Variants in ADGRD1 observed in about 807,000 individuals in gnomAD.
ADGRD1 encodes the protein adhesion G protein-coupled receptor D1.
A neutral mutation model predicts 113.4 loss-of-function variants in ADGRD1; 77 were observed. That is an observed-to-expected ratio of 0.68 (90% confidence interval 0.57 to 0.82). The LOEUF is 0.82. ADGRD1 is among the 40% of genes least tolerant of loss of function. The pLI is 0.00. For synonymous variants in ADGRD1, 474 were observed against 475.0 expected, an observed-to-expected ratio of 1.00 and a Z score of 0.03; for missense variants, 1,036 against 1,139.1, an observed-to-expected ratio of 0.91 and a Z score of 1.30.
chr12:131,092,760 C>G (rs897150157), intron 15 of ADGRD1, among the ~76,000 whole-genome samples: 2 of 152,200 alleles, frequency 1.3e-5, no homozygotes, highest in South Asian at 4.1e-4. Context: ...GGTCATGAAC[C>G]GTGGTCTGAA....
At chr12:130,982,150 C>T in intron 5 of ADGRD1, 87 bp downstream of exon 5, 1 of 1,205,924 alleles carries the variant, frequency 8.3e-7, no homozygotes, top group Non-Finnish European at 1.2e-6. Flanking sequence ...CAACGCAGCC[C>T]AAGGAGCCCA....
intron 13 of ADGRD1, among the ~76,000 whole-genome samples, chr12:131,053,709 C>T (rs918503601): frequency 2.0e-5 from 3 of 152,168 alleles, no homozygotes; most frequent in Admixed American, 6.5e-5. Context: ...CTGCGACAAC[C>T]CCACCACTGA....
Position 131,041,913 on chromosome 12 carries a change from C to T in ADGRD1, c.1473+27573C>T, listed in dbSNP as rs1215398200. On this transcript the variant is annotated intron_variant, in intron 13 of 24. Coordinates refer to ENST00000261654, the MANE Select transcript of ADGRD1 (RefSeq NM_198827.5). This position sits in a 1 kb window ranked among gnomAD's most constrained non-coding sequence, Gnocchi z 4.4. ...ACATGACCTAGGGTTCCTTTGCAGT[C>T]GGGTTTGTTATCCGAGTCCCCCTGC... Among the ~76,000 whole-genome samples, 21 of 152,140 alleles carry T rather than the reference C, an allele frequency of 1.4e-4. No individual in the cohort carries two copies. Among genetic ancestry groups the T allele is most frequent in the Admixed American group, 1.3e-3 (20 of 15,278 alleles).
intron 4 of ADGRD1, chr12:130,972,975 C>G (rs185453743): frequency 2.0e-5 from 3 of 152,128 alleles, no homozygotes; most frequent in Non-Finnish European, 2.9e-5. Context: ...ACATGAGAGG[C>G]CTTTGAGCTG....
At position 130,987,345 on chromosome 12, in the gene ADGRD1, C is replaced by A. The variant is rs1873826883; in HGVS notation, c.741C>A (p.Ala247=). Residue 247 remains alanine, a synonymous_variant, in exon 6 of 25, where the codon GCC becomes GCA. Coordinates refer to ENST00000261654, the MANE Select transcript of ADGRD1 (RefSeq NM_198827.5). ...AGATCGCCATGTACTTCACTGCTGC[C>A]ATTGGTCAGTGAGTGTGAAGGGCTG... ...PDEIAMYFTA[A]IGKHALLSST... is the part of the protein sequence containing the mutation. 1 of 1,613,938 alleles carries A rather than the reference C, an allele frequency of 6.2e-7. No individual in the cohort carries two copies. The highest frequency in any genetic ancestry group is 8.5e-7 in the Non-Finnish European group (1 of 1,180,002).
chr12:131,061,448 C>T (rs1884322700), intron 13 of ADGRD1, among the ~76,000 whole-genome samples: 1 of 152,234 alleles, frequency 6.6e-6, no homozygotes, highest in Admixed American at 6.5e-5. Context: ...CTCTTCTCGC[C>T]TGCCCACGCT....
At chr12:131,000,355 T>C (rs1241331449) in intron 8 of ADGRD1, 28 bp from the exon 9 acceptor site, 1 of 1,595,096 alleles carries the variant, frequency 6.3e-7, no homozygotes, top group South Asian at 1.1e-5. Flanking sequence ...GGACAGGTGC[T>C]GAGCAGTGTC....
At chr12:130,985,843 C>T (rs770954382) in intron 5 of ADGRD1, among the ~76,000 whole-genome samples, 5 of 152,162 alleles carry the variant, frequency 3.3e-5, no homozygotes, top group Non-Finnish European at 7.4e-5. Context: ...TGAGCCACTG[C>T]GTCCGGCCAA....
intron 18 of ADGRD1, among the ~76,000 whole-genome samples, chr12:131,117,373 T>TG: frequency 6.6e-6 from 1 of 152,310 alleles, no homozygotes; most frequent in African/African-American, 2.4e-5. Flanking sequence ...AGTTCTAAGA[T>TG]GCTGGACTTC....
intron 8 of ADGRD1, among the ~76,000 whole-genome samples, chr12:130,996,570 G>A (rs1234436917): frequency 1.7e-4 from 22 of 128,534 alleles, no homozygotes; most frequent in South Asian, 5.2e-4. Flanking sequence ...GCGGCTGGCC[G>A]GGCAGAGGGG....
chr12:131,003,169 G>A lies in ADGRD1; in HGVS notation c.1027-16G>A, dbSNP rs1332172460. 6.3e-7 allele frequency: 1 copy of A among 1,594,034 alleles called. No individual in the cohort carries two copies. Among genetic ancestry groups the A allele is most frequent in the Admixed American group, 1.7e-5 (1 of 59,984 alleles). ...GGGGTGGATTTTCATGGCTCCTGGT[G>A]CTTGTGTTGCTGCAGGACAGCGCCG... On this transcript the variant is annotated splice_polypyrimidine_tract_variant and intron_variant, in intron 9 of 24. Coordinates refer to ENST00000261654, the MANE Select transcript of ADGRD1 (RefSeq NM_198827.5). The surrounding 1 kb of genome is among the most constrained non-coding windows in gnomAD (Gnocchi z 4.8).
intron 2 of ADGRD1, among the ~76,000 whole-genome samples, chr12:130,960,570 TTG>T (rs766717619): frequency 7.9e-5 from 12 of 152,042 alleles, no homozygotes; most frequent in African/African-American, 1.9e-4. Context: ...TTATTTATTT[TTG>T]CATTTTATCA....
chr12:131,114,149 T>G (rs911630155), intron 18 of ADGRD1, among the ~76,000 whole-genome samples: 22 of 152,142 alleles, frequency 1.4e-4, no homozygotes, highest in Non-Finnish European at 8.8e-5. Flanking sequence ...TGTGTGTGTT[T>G]GACAGACAGA....
chr12:130,957,804 C>T (rs1239545212), intron 2 of ADGRD1: 1 of 152,296 alleles, frequency 6.6e-6, no homozygotes, highest in Non-Finnish European at 1.5e-5. Flanking sequence ...TGTGGAAAAG[C>T]ACAGTGAAGG....
At chr12:131,002,289 G>A (rs1415652352) in intron 9 of ADGRD1, among the ~76,000 whole-genome samples, 1 of 152,248 alleles carries the variant, frequency 6.6e-6, no homozygotes, top group Non-Finnish European at 1.5e-5. Flanking sequence ...TAAAGAGAAT[G>A]CATGAATCGG....
At chr12:131,070,954 T>G in intron 13 of ADGRD1, 4 of 518,896 alleles carry the variant, frequency 7.7e-6, no homozygotes, top group Non-Finnish European at 1.5e-5. Flanking sequence ...GAGAAGGGGC[T>G]GTGGGCTGCA....
chr12:131,020,001 G>A lies in ADGRD1; in HGVS notation c.1473+5661G>A, dbSNP rs557351009. Among the ~76,000 whole-genome samples, 5 of 120,468 alleles carry A rather than the reference G, an allele frequency of 4.2e-5. 1 individual carries two copies. The highest frequency in any genetic ancestry group is 1.3e-4 in the African/African-American group (4 of 31,880). 79.0% of individuals were successfully genotyped at this position (120,468 alleles called of 152,430 possible). Reference sequence around the variant, plus strand: ...GGTGCTCGAGAGAGATATTCCAGGGGCAGGACCCTGAGCTCCATCCAGGGC... The same window carrying A: ...GGTGCTCGAGAGAGATATTCCAGGGACAGGACCCTGAGCTCCATCCAGGGC... On this transcript the variant is annotated intron_variant, in intron 13 of 24. Transcript: ENST00000261654.
At chr12:131,063,892 T>C (rs1884524767) in intron 13 of ADGRD1, among the ~76,000 whole-genome samples, 3 of 152,214 alleles carry the variant, frequency 2.0e-5, no homozygotes. Context: ...TATATCTTTA[T>C]TGTGTTGAGT....
intron 13 of ADGRD1, 37 bp downstream of exon 13, chr12:131,014,377 G>A (rs376153673): frequency 1.9e-6 from 3 of 1,587,358 alleles, no homozygotes; most frequent in Non-Finnish European, 2.6e-6. Flanking sequence ...CGCCGCCTTT[G>A]ATCTGGTTTC....
Sources: gnomAD v4.1 joint callset for allele counts (sites outside exome capture counted in the v4.1 genomes callset) on GRCh38, gnomAD v4.1.1 for gene constraint, Gnocchi (gnomAD v3.1) non-coding constraint, MANE v1.5 for transcripts, NCBI Gene and HGNC (gene_info 2026-07-23, HGNC 2026-07-21) for gene names.